Variants in ADAMTS12 observed in about 807,000 individuals in gnomAD.
ADAMTS12 encodes the protein ADAM metallopeptidase with thrombospondin type 1 motif 12.
A neutral mutation model predicts 167.8 loss-of-function variants in ADAMTS12; 118 were observed. That is an observed-to-expected ratio of 0.70 (90% CI 0.61 to 0.82). ADAMTS12 has a LOEUF of 0.82. ADAMTS12 is among the 40% of genes least tolerant of loss of function. ADAMTS12 has a pLI of 0.00. For missense variants in ADAMTS12, 1,916 were observed against 1,998.8 expected (o/e 0.96, Z 0.79); for synonymous variants, 704 against 716.9 (o/e 0.98, Z 0.29).
rs537990790 is a variant in ADAMTS12, at chr5:33,821,726, T to A, written c.489+59393A>T. On this transcript the variant is annotated intron_variant, in intron 2 of 23. Coordinates refer to ENST00000504830, the MANE Select transcript of ADAMTS12 (RefSeq NM_030955.4). ...AAAATCATTCCTGTTGCTTAGCTAC[T>A]CCAAGTCACATTTTTATCAAATACA... 6.6e-5 allele frequency among the ~76,000 whole-genome samples: 10 copies of A among 152,302 alleles called. No individual in the cohort carries two copies. In the South Asian group the frequency reaches 2.1e-3, roughly 32 times the overall value.
chr5:33,757,957 C>G (rs759111854), intron 2 of ADAMTS12, among the ~76,000 whole-genome samples: 13 of 152,284 alleles, frequency 8.5e-5, no homozygotes, highest in Non-Finnish European at 1.8e-4. Context: ...AGCAGTTACT[C>G]TAGAGTCCAT....
At chr5:33,566,107 T>C (rs1045290695) in intron 19 of ADAMTS12, among the ~76,000 whole-genome samples, 5 of 152,176 alleles carry the variant, frequency 3.3e-5, no homozygotes, top group East Asian at 3.9e-4. Flanking sequence ...CAGCAGACAA[T>C]GAAAATTCAA....
intron 3 of ADAMTS12, among the ~76,000 whole-genome samples, chr5:33,694,067 G>A (rs1053225661): frequency 8.5e-5 from 13 of 152,110 alleles, no homozygotes; most frequent in African/African-American, 1.4e-4. Flanking sequence ...GCCACAAAAA[G>A]GACAAAATAC....
intron 2 of ADAMTS12, among the ~76,000 whole-genome samples, chr5:33,865,635 AAGAAATAAAGCACATC>A (rs1749789606): frequency 6.6e-6 from 1 of 152,180 alleles, no homozygotes; most frequent in African/African-American, 2.4e-5. Flanking sequence ...AGGCAGGAGA[AAGAAATAAAGCACATC>A]AGAAAACAGA....
intron 13 of ADAMTS12, among the ~76,000 whole-genome samples, chr5:33,625,768 C>A (rs965976260): frequency 6.6e-6 from 1 of 152,198 alleles, no homozygotes; most frequent in African/African-American, 2.4e-5. Flanking sequence ...TAAATGGGTT[C>A]TTGCAGAGAC....
chr5:33,744,093 C>T (rs2112377465), intron 3 of ADAMTS12, among the ~76,000 whole-genome samples: 1 of 152,296 alleles, frequency 6.6e-6, no homozygotes, highest in Non-Finnish European at 1.5e-5. Context: ...CCTGCCGTGG[C>T]CAGGAACTCT....
intron 3 of ADAMTS12, among the ~76,000 whole-genome samples, chr5:33,732,045 C>A (rs367839540): frequency 6.6e-6 from 1 of 152,088 alleles, no homozygotes; most frequent in Admixed American, 6.6e-5. Flanking sequence ...CCAGGCCAAG[C>A]AGAATAGGGT....
At chr5:33,558,715 A>G (rs1274682614) in intron 20 of ADAMTS12, among the ~76,000 whole-genome samples, 1 of 152,214 alleles carries the variant, frequency 6.6e-6, no homozygotes, top group Non-Finnish European at 1.5e-5. Context: ...GTAATTTCCA[A>G]TGAAATGATT....
intron 16 of ADAMTS12, among the ~76,000 whole-genome samples, chr5:33,598,956 C>T (rs1183437095): frequency 6.6e-6 from 1 of 152,186 alleles, no homozygotes; most frequent in African/African-American, 2.4e-5. Context: ...TCGGGACACT[C>T]CAGCTACCAC....
intron 3 of ADAMTS12, among the ~76,000 whole-genome samples, chr5:33,709,512 A>T (rs1210052342): frequency 6.6e-6 from 1 of 152,246 alleles, no homozygotes; most frequent in African/African-American, 2.4e-5. Context: ...ACACCATGGA[A>T]TACTATGCAG....
chr5:33,550,585 C>A (rs1454729232), intron 20 of ADAMTS12, among the ~76,000 whole-genome samples: 1 of 152,108 alleles, frequency 6.6e-6, no homozygotes, highest in Non-Finnish European at 1.5e-5. Context: ...CTCTGCATTA[C>A]CCATCACTGC....
chr5:33,643,601 C>T lies in ADAMTS12; in HGVS notation c.1480-131G>A. 6 of 760,628 alleles carry T rather than the reference C, an allele frequency of 7.9e-6. No homozygotes were observed. The South Asian group carries it at 8.7e-5, about 11-fold the overall frequency. 47.1% of individuals were successfully genotyped at this position (760,628 alleles called of 1,614,324 possible). Reference sequence around the variant, plus strand: ...CACTGTTGTTAGTGACTAAGAGTGACAGAAAGCAATCATTAGAGTTTTCAG... The same window carrying T: ...CACTGTTGTTAGTGACTAAGAGTGATAGAAAGCAATCATTAGAGTTTTCAG... On this transcript the variant is annotated intron_variant, in intron 9 of 23. Coordinates refer to ENST00000504830, the MANE Select transcript of ADAMTS12 (RefSeq NM_030955.4).
chr5:33,638,957 T>C (rs1401217678), intron 11 of ADAMTS12, among the ~76,000 whole-genome samples: 1 of 152,200 alleles, frequency 6.6e-6, no homozygotes, highest in African/African-American at 2.4e-5. Flanking sequence ...CTGGTCTCCA[T>C]CTTGCTGCAG....
At chr5:33,552,091 T>C (rs1745274256) in intron 20 of ADAMTS12, among the ~76,000 whole-genome samples, 1 of 152,226 alleles carries the variant, frequency 6.6e-6, no homozygotes, top group Non-Finnish European at 1.5e-5. Context: ...GTTTAATTCC[T>C]GTGATTTGCA....
chr5:33,816,156 T>C (rs1747644076), intron 2 of ADAMTS12, among the ~76,000 whole-genome samples: 1 of 150,218 alleles, frequency 6.7e-6, no homozygotes, highest in Non-Finnish European at 1.5e-5. Context: ...GATTATATTT[T>C]CCTCACCTTC....
intron 5 of ADAMTS12, among the ~76,000 whole-genome samples, chr5:33,668,847 A>C (rs1378606274): frequency 6.6e-6 from 1 of 152,158 alleles, no homozygotes; most frequent in Non-Finnish European, 1.5e-5. Context: ...CAAGTCAGTC[A>C]CCATTTATCA....
At chr5:33,734,181 A>G (rs1473664078) in intron 3 of ADAMTS12, among the ~76,000 whole-genome samples, 2 of 152,198 alleles carry the variant, frequency 1.3e-5, no homozygotes, top group East Asian at 1.9e-4. Context: ...CCTCCATTCT[A>G]AAAGCAGGAA....
intron 6 of ADAMTS12, among the ~76,000 whole-genome samples, 183 bp downstream of exon 6, chr5:33,661,733 A>C (rs1314426258): frequency 2.0e-5 from 3 of 152,198 alleles, no homozygotes; most frequent in Non-Finnish European, 2.9e-5. Flanking sequence ...TCGTATTAGC[A>C]AGTTTGTTAA....
intron 2 of ADAMTS12, among the ~76,000 whole-genome samples, chr5:33,843,444 T>C (rs943520462): frequency 2.0e-5 from 3 of 152,110 alleles, no homozygotes; most frequent in African/African-American, 7.2e-5. Context: ...GGGTAGTGAG[T>C]AGCCAGCACA....
Sources: gnomAD v4.1 joint callset for allele counts (sites outside exome capture counted in the v4.1 genomes callset) on GRCh38, gnomAD v4.1.1 for gene constraint, MANE v1.5 for transcripts, NCBI Gene and HGNC (gene_info 2026-07-23, HGNC 2026-07-21) for gene names.